Variants in ROBO2 observed in about 807,000 individuals in gnomAD.
ROBO2 encodes the protein roundabout guidance receptor 2.
A neutral mutation model predicts 160.8 loss-of-function variants in ROBO2; 53 were observed. That is an observed-to-expected ratio of 0.33 (90% CI 0.26 to 0.41). The LOEUF (loss-of-function observed/expected upper bound fraction) is 0.41. ROBO2 is among the 10% of genes least tolerant of loss of function. The pLI is 1.00. For missense variants in ROBO2, 1,577 were observed against 1,722.4 expected (o/e 0.92, Z 1.49); for synonymous variants, 664 against 611.7 (o/e 1.09, Z -1.26).
chr3:77,075,775 C>A, intron 1 of ROBO2, among the ~76,000 whole-genome samples: 1 of 146,238 alleles, frequency 6.8e-6, no homozygotes, highest in Non-Finnish European at 1.5e-5. Context: ...GCCTCCCAGG[C>A]TCAAGTGATT....
At chr3:77,298,634 A>G (rs1284748719) in intron 2 of ROBO2, among the ~76,000 whole-genome samples, 1 of 152,170 alleles carries the variant, frequency 6.6e-6, no homozygotes, top group East Asian at 1.9e-4. Flanking sequence ...TAATAGCTGC[A>G]CTGTAACAAT....
chr3:77,195,657 G>T (rs577361576), intron 2 of ROBO2, among the ~76,000 whole-genome samples: 1 of 152,200 alleles, frequency 6.6e-6, no homozygotes, highest in Admixed American at 6.5e-5. Context: ...AAACTTTTTA[G>T]AACGAAATAT....
chr3:77,552,567 T>A (rs374588753), intron 8 of ROBO2, among the ~76,000 whole-genome samples: 1 of 152,072 alleles, frequency 6.6e-6, no homozygotes, highest in South Asian at 2.1e-4. Flanking sequence ...TGGTCAAAAA[T>A]AAGTGATGAC....
At chr3:76,044,885 C>T (rs2067399894) in intron 2 of ROBO2, among the ~76,000 whole-genome samples, 1 of 151,938 alleles carries the variant, frequency 6.6e-6, no homozygotes, top group Non-Finnish European at 1.5e-5. Flanking sequence ...ACAGTGAGGT[C>T]AGAGAGTGTC....
intron 5 of ROBO2, among the ~76,000 whole-genome samples, chr3:77,499,726 G>C (rs2087291774): frequency 6.8e-6 from 1 of 146,248 alleles, no homozygotes; most frequent in South Asian, 2.1e-4. Context: ...CCGCCTCACT[G>C]CACCCTCCAC....
chr3:77,187,766 T>G (rs139904418), intron 2 of ROBO2, among the ~76,000 whole-genome samples: 1 of 152,030 alleles, frequency 6.6e-6, no homozygotes, highest in Non-Finnish European at 1.5e-5. Context: ...TTTTCAAGAA[T>G]AAAAAAGTGT....
intron 2 of ROBO2, among the ~76,000 whole-genome samples, chr3:76,951,007 C>T (rs751604454): frequency 2.0e-5 from 3 of 152,154 alleles, no homozygotes; most frequent in South Asian, 2.1e-4. Context: ...GAATTACAGG[C>T]GTGAGCCCCT....
intron 2 of ROBO2, among the ~76,000 whole-genome samples, chr3:77,395,627 T>C (rs1031930746): frequency 6.6e-6 from 1 of 152,144 alleles, no homozygotes; most frequent in Non-Finnish European, 1.5e-5. Context: ...TCTAGACTCT[T>C]CATATAAAAT....
intron 1 of ROBO2, among the ~76,000 whole-genome samples, chr3:75,936,649 C>T (rs1947793028): frequency 6.6e-6 from 1 of 151,994 alleles, no homozygotes; most frequent in Non-Finnish European, 1.5e-5. Context: ...GCTAGTTTTG[C>T]TTCACTATTC....
intron 1 of ROBO2, among the ~76,000 whole-genome samples, chr3:77,093,733 A>T (rs753312259): frequency 5.3e-5 from 8 of 152,158 alleles, no homozygotes; most frequent in Non-Finnish European, 1.0e-4. Flanking sequence ...GTATTTTTGT[A>T]TATCTATGTC....
At chr3:76,826,087 C>G (rs1233600425) in intron 2 of ROBO2, among the ~76,000 whole-genome samples, 1 of 148,786 alleles carries the variant, frequency 6.7e-6, no homozygotes, top group African/African-American at 2.5e-5. Context: ...AATAGTGTCA[C>G]ATTTTGAATT....
chr3:76,478,503 G>A (rs570686072), intron 2 of ROBO2, among the ~76,000 whole-genome samples: 1 of 151,634 alleles, frequency 6.6e-6, no homozygotes, highest in Non-Finnish European at 1.5e-5. Context: ...AAACTGGATC[G>A]CTTCCTTACA....
At chr3:76,048,409 A>C (rs2035705) in intron 2 of ROBO2, among the ~76,000 whole-genome samples, 1,979 of 152,274 alleles carry the variant, frequency 0.013, 26 homozygotes, top group Non-Finnish European at 0.021. Context: ...ATCATGATTG[A>C]CACTCAGGTT....
At chr3:76,808,985 G>T (rs1044911929) in intron 2 of ROBO2, among the ~76,000 whole-genome samples, 2 of 152,140 alleles carry the variant, frequency 1.3e-5, no homozygotes, top group Non-Finnish European at 2.9e-5. Context: ...CACCTCCTGA[G>T]AGTAGATCGT....
intron 2 of ROBO2, among the ~76,000 whole-genome samples, chr3:76,186,471 ACT>A (rs1701769640): frequency 1.3e-5 from 2 of 151,624 alleles, no homozygotes; most frequent in South Asian, 4.2e-4. Context: ...TAAACCTAAA[ACT>A]CACCAAAATG....
chr3:75,951,886 C>T (rs1186318321), intron 2 of ROBO2, among the ~76,000 whole-genome samples: 1 of 151,926 alleles, frequency 6.6e-6, no homozygotes, highest in African/African-American at 2.4e-5. Context: ...TTTGCTTATT[C>T]TCAGCAACTG....
At chr3:76,892,281 G>C (rs1577299053) in intron 2 of ROBO2, among the ~76,000 whole-genome samples, 1 of 150,388 alleles carries the variant, frequency 6.6e-6, no homozygotes, top group Non-Finnish European at 1.5e-5. Context: ...GCTTTGCCAG[G>C]AGTATTTATG....
chr3:76,498,721 C>T lies in ROBO2; in HGVS notation c.109+561119C>T, dbSNP rs2080296164. Among the ~76,000 whole-genome samples, 5 of 135,528 alleles carry T rather than the reference C, an allele frequency of 3.7e-5. No individual in the cohort carries two copies. The South Asian group carries it at 1.1e-3, about 31-fold the overall frequency. The allele number at this position is 135,528 out of a possible 152,430, so 88.9% of individuals were successfully genotyped here. A position where few individuals can be genotyped will look rare whatever the true frequency, so the allele number is the denominator to read the frequency against. On this transcript the variant is annotated intron_variant, in intron 2 of 26. Coordinates refer to the ROBO2 transcript ENST00000487694. ...TTTTTGAGACAGAGTCTTGCTCTGT[C>T]GCCCAGGCTGGAGGGCAGTGGCACA... is the stretch of plus-strand genomic sequence containing the variant.
At chr3:76,199,752 A>G (rs191821256) in intron 2 of ROBO2, among the ~76,000 whole-genome samples, 1 of 152,276 alleles carries the variant, frequency 6.6e-6, no homozygotes, top group East Asian at 1.9e-4. Flanking sequence ...GACCAACCAG[A>G]GAAAGCCAAA....
Sources: allele counts gnomAD v4.1 joint callset (sites outside exome capture counted in the v4.1 genomes callset), GRCh38; gene constraint gnomAD v4.1.1; transcripts MANE v1.5; gene names NCBI Gene and HGNC (gene_info 2026-07-23, HGNC 2026-07-21).